CRTAC1: variants seen among roughly 807,000 people sequenced by gnomAD.
CRTAC1 encodes acidic secreted protein in cartilage.
A neutral mutation model predicts 67.8 loss-of-function variants in CRTAC1; 37 were observed. The observed-to-expected ratio is 0.55, with a 90% confidence interval of 0.42 to 0.72. The LOEUF (loss-of-function observed/expected upper bound fraction) is 0.72, where lower values mean the gene tolerates loss of function less well. Among genes scored for constraint, CRTAC1 ranks in the 30% least tolerant of loss-of-function variants. The pLI is 0.00. For synonymous variants in CRTAC1, 348 were observed against 371.0 expected, an observed-to-expected ratio of 0.94 and a Z score of 0.71; for missense variants, 780 against 931.6, an observed-to-expected ratio of 0.84 and a Z score of 2.12.
intron 2 of CRTAC1, among the ~76,000 whole-genome samples, chr10:98,000,502 G>A (rs529853540): frequency 1.8e-3 from 271 of 152,314 alleles, no homozygotes; most frequent in Middle Eastern, 6.8e-3. Flanking sequence ...CAGTGGCTGG[G>A]CCCTGCACTG....
chr10:98,020,025 T>C (rs1843084069), intron 1 of CRTAC1, among the ~76,000 whole-genome samples: 2 of 152,330 alleles, frequency 1.3e-5, no homozygotes, highest in South Asian at 4.1e-4. Context: ...CTGAGTCAAT[T>C]CTGCTTCACA....
intron 2 of CRTAC1, among the ~76,000 whole-genome samples, chr10:97,954,996 C>T (rs528518656): frequency 1.1e-4 from 17 of 152,312 alleles, no homozygotes; most frequent in African/African-American, 3.8e-4. Context: ...CACCATTCAA[C>T]CACTACATCC....
At chr10:97,867,542 A>G (rs1201158321) in intron 14 of CRTAC1, 1 of 152,258 alleles carries the variant, frequency 6.6e-6, no homozygotes, top group African/African-American at 2.4e-5. Flanking sequence ...GGCCCAAGTG[A>G]GTCCTGGTCC....
At chr10:97,962,797 A>C (rs181165603) in intron 2 of CRTAC1, among the ~76,000 whole-genome samples, 2 of 151,836 alleles carry the variant, frequency 1.3e-5, no homozygotes, top group South Asian at 2.1e-4. Context: ...GCTGAAATTC[A>C]GTACACACCC....
chr10:97,882,920 C>CTGTGGT, intron 12 of CRTAC1, 92 bp from the exon 13 acceptor site: 1 of 1,317,588 alleles, frequency 7.6e-7, no homozygotes, highest in Non-Finnish European at 1.1e-6. Flanking sequence ...AGTTGTCACC[C>CTGTGGT]TAACCACAGT....
chr10:98,002,966 G>C (rs1298698151), intron 2 of CRTAC1, among the ~76,000 whole-genome samples: 2 of 150,070 alleles, frequency 1.3e-5, no homozygotes, highest in Non-Finnish European at 3.0e-5. Context: ...TGTATTTTTA[G>C]TAGAGACGGG....
At chr10:97,965,373 G>A (rs2051598175) in intron 2 of CRTAC1, among the ~76,000 whole-genome samples, 1 of 152,174 alleles carries the variant, frequency 6.6e-6, no homozygotes, top group Non-Finnish European at 1.5e-5. Flanking sequence ...TGAGGCAAAA[G>A]CAGTTAAGTA....
Position 97,884,281 on chromosome 10 carries a change from G to T in CRTAC1, c.1557C>A (p.Ser519Arg). ...DGKMVSRNVASGEMNSVLEIL... is the reference protein window; with the variant it reads ...DGKMVSRNVARGEMNSVLEIL... ...TCTCCAGCACTGAGTTCATCTCCCC[G>T]CTGGCCACGTTCCGGCTCACCATCT... Residue 519 changes from serine (S) to arginine (R), a missense_variant, in exon 12 of 15, where the codon AGC becomes AGA. Physicochemically the swap from Ser to Arg is moderately radical, Grantham distance 110. Coordinates refer to ENST00000370597, the MANE Select transcript of CRTAC1 (RefSeq NM_018058.7). 2 of 1,557,880 alleles carry T rather than the reference G, an allele frequency of 1.3e-6. No individual in the cohort carries two copies. Among genetic ancestry groups the T allele is most frequent in the South Asian group, 1.2e-5 (1 of 84,580 alleles).
intron 2 of CRTAC1, among the ~76,000 whole-genome samples, chr10:97,961,075 AT>A (rs1201165669): frequency 4.6e-5 from 7 of 151,474 alleles, no homozygotes; most frequent in Admixed American, 2.0e-4. Context: ...TGGTCTTGTA[AT>A]TTTTTTTTAA....
At chr10:98,010,367 A>G (rs966228267) in intron 2 of CRTAC1, among the ~76,000 whole-genome samples, 2 of 152,174 alleles carry the variant, frequency 1.3e-5, no homozygotes, top group African/African-American at 4.8e-5. Flanking sequence ...ATCAATGGTG[A>G]TTGGCAGAAA....
At chr10:97,939,420 G>A (rs900487434) in intron 2 of CRTAC1, among the ~76,000 whole-genome samples, 2 of 152,120 alleles carry the variant, frequency 1.3e-5, no homozygotes, top group Admixed American at 6.5e-5. Flanking sequence ...GGTAGCTTGG[G>A]ATGCATCCTG....
intron 11 of CRTAC1, among the ~76,000 whole-genome samples, chr10:97,892,095 A>C (rs745326689): frequency 6.6e-6 from 1 of 152,256 alleles, no homozygotes; most frequent in African/African-American, 2.4e-5. Context: ...TGCAGTGTAC[A>C]TAAGCCTGAG....
chr10:97,995,639 C>G (rs1223865170), intron 2 of CRTAC1, among the ~76,000 whole-genome samples: 1 of 152,106 alleles, frequency 6.6e-6, no homozygotes, highest in Non-Finnish European at 1.5e-5. Flanking sequence ...CAAGAACCAT[C>G]CCACCCCACA....
chr10:97,995,722 T>TA (rs1387958915), intron 2 of CRTAC1, among the ~76,000 whole-genome samples: 1 of 152,132 alleles, frequency 6.6e-6, no homozygotes, highest in Non-Finnish European at 1.5e-5. Flanking sequence ...CTGAGTACCA[T>TA]AAAGAGTATT....
chr10:97,889,191 C>G (rs1319153992), intron 11 of CRTAC1, among the ~76,000 whole-genome samples: 1 of 151,642 alleles, frequency 6.6e-6, no homozygotes, highest in African/African-American at 2.4e-5. Context: ...CCAGTGACTC[C>G]CAGTGGAGCT....
intron 11 of CRTAC1, among the ~76,000 whole-genome samples, chr10:97,886,649 CT>C (rs34354595): frequency 1.2e-4 from 17 of 141,810 alleles, no homozygotes; most frequent in Admixed American, 1.4e-4. Flanking sequence ...TTTCTTTTTT[CT>C]TTTTTTTTTT....
intron 7 of CRTAC1, among the ~76,000 whole-genome samples, chr10:97,903,784 C>T (rs1162479824): frequency 6.6e-6 from 1 of 152,154 alleles, no homozygotes; most frequent in African/African-American, 2.4e-5. Flanking sequence ...CTGTTGGCAC[C>T]TCCATCACTG....
At chr10:97,965,524 C>T (rs2051600377) in intron 2 of CRTAC1, among the ~76,000 whole-genome samples, 1 of 152,160 alleles carries the variant, frequency 6.6e-6, no homozygotes, top group Non-Finnish European at 1.5e-5. Context: ...CAGAGGCAAC[C>T]CTTTGCTTTT....
At chr10:98,012,479 T>C (rs977382319) in intron 1 of CRTAC1, among the ~76,000 whole-genome samples, 1 of 152,184 alleles carries the variant, frequency 6.6e-6, no homozygotes, top group Non-Finnish European at 1.5e-5. Flanking sequence ...AAGCGGTACT[T>C]TCCTGCCTTC....
Sources: allele counts gnomAD v4.1 joint callset (sites outside exome capture counted in the v4.1 genomes callset), GRCh38; gene constraint gnomAD v4.1.1; transcripts MANE v1.5; gene names NCBI Gene and HGNC (gene_info 2026-07-23, HGNC 2026-07-21).